Variants in WASF1 observed in about 807,000 individuals in gnomAD.
WASF1 encodes WASP family member 1.
Under a neutral mutation model 50.5 loss-of-function variants are expected in WASF1, and 7 were observed. The observed-to-expected ratio is 0.14, with a 90% confidence interval of 0.08 to 0.26. WASF1 has a LOEUF of 0.26. Ranked by LOEUF, WASF1 falls within the 10% of genes least tolerant of loss-of-function variation. The pLI is 1.00. For missense variants in WASF1, 470 were observed against 694.7 expected (o/e 0.68, Z 3.64); for synonymous variants, 205 against 244.0 (o/e 0.84, Z 1.49).
In WASF1 at chr6:110,104,380, G is replaced by T. The variant is rs1162767549; in HGVS notation, c.714-823C>A. Among the ~76,000 whole-genome samples the T allele has an allele frequency of 2.6e-5, 4 of 152,194 alleles. No individual in the cohort carries two copies. In the East Asian group the frequency reaches 7.7e-4, roughly 29 times the overall value. On this transcript the variant is annotated intron_variant, in intron 8 of 10. Transcript: ENST00000392589. Reference sequence around the variant, plus strand: ...ATTCTTTCAGTAATACAGATAAATAGTATCTCTCAGATGTATATTTCTCCT... The same window carrying T: ...ATTCTTTCAGTAATACAGATAAATATTATCTCTCAGATGTATATTTCTCCT...
intron 2 of WASF1, among the ~76,000 whole-genome samples, chr6:110,163,275 G>A (rs555237934): frequency 2.3e-4 from 35 of 151,658 alleles, no homozygotes; most frequent in African/African-American, 8.4e-4. Context: ...TTTCTTATTT[G>A]GGGCTGCTAT....
chr6:110,136,327 T>C (rs746483665), intron 3 of WASF1, among the ~76,000 whole-genome samples: 5 of 152,250 alleles, frequency 3.3e-5, no homozygotes, highest in African/African-American at 4.8e-5. Context: ...TTGTCCAAAA[T>C]AGTCAATTTT....
At chr6:110,135,180 T>G (rs141070616) in intron 3 of WASF1, among the ~76,000 whole-genome samples, 1 of 152,242 alleles carries the variant, frequency 6.6e-6, no homozygotes, top group African/African-American at 2.4e-5. Context: ...TTGGTCACTA[T>G]TGGTGTATAG....
intron 2 of WASF1, among the ~76,000 whole-genome samples, chr6:110,163,205 C>G (rs1776331877): frequency 6.6e-6 from 1 of 151,576 alleles, no homozygotes; most frequent in Non-Finnish European, 1.5e-5. Context: ...AACTACAAAA[C>G]TCTGACGAAA....
chr6:110,162,436 A>T lies in WASF1; in HGVS notation c.-126-1704T>A, dbSNP rs115791202. Among the ~76,000 whole-genome samples, 635 of 150,290 alleles carry T rather than the reference A, an allele frequency of 4.2e-3. 3 individuals are homozygous for T. Among genetic ancestry groups the T allele is most frequent in the African/African-American group, 0.015 (607 of 40,936 alleles). ...TACCCTAATGCAAAACTAGATAAAG[A>T]CAAGGCAAAAAAAAAAAAAAATCCA... On this transcript the variant is annotated intron_variant, in intron 2 of 10. Coordinates refer to ENST00000392589, the MANE Select transcript of WASF1 (RefSeq NM_003931.3).
intron 3 of WASF1, among the ~76,000 whole-genome samples, chr6:110,141,079 T>C (rs1324905369): frequency 1.3e-5 from 2 of 152,198 alleles, no homozygotes; most frequent in African/African-American, 4.8e-5. Context: ...TGGGCCATGG[T>C]TGACCACTGG....
At chr6:110,173,154 T>C (rs1483918267) in intron 2 of WASF1, among the ~76,000 whole-genome samples, 1 of 152,128 alleles carries the variant, frequency 6.6e-6, no homozygotes, top group African/African-American at 2.4e-5. Flanking sequence ...TTGACTTTTT[T>C]GGTAAAGGAA....
intron 3 of WASF1, among the ~76,000 whole-genome samples, chr6:110,141,705 T>G (rs989054511): frequency 6.6e-6 from 1 of 151,704 alleles, no homozygotes; most frequent in Admixed American, 6.6e-5. Context: ...AACAAAATCA[T>G]GAGCTTTAAG....
chr6:110,147,024 A>G lies in WASF1; in HGVS notation c.-29+13611T>C, dbSNP rs1274884412. On this transcript the variant is annotated intron_variant, in intron 3 of 10. Coordinates refer to ENST00000392589, the MANE Select transcript of WASF1 (RefSeq NM_003931.3). ...AAAAAACTGCCCTAAGAACAGTGCT[A>G]TCTTTACCAAAAATAAATATATAAA... Among the ~76,000 whole-genome samples the G allele has an allele frequency of 3.9e-5, 6 of 152,224 alleles. No individual in the cohort carries two copies. In the South Asian group the frequency reaches 1.2e-3, roughly 32 times the overall value.
chr6:110,149,797 C>G (rs1775745456), intron 3 of WASF1, among the ~76,000 whole-genome samples: 1 of 152,110 alleles, frequency 6.6e-6, no homozygotes, highest in Non-Finnish European at 1.5e-5. Flanking sequence ...GATTATGGTA[C>G]ACCCATCACC....
rs370155308 is a variant in WASF1 at position 110,116,098 on chromosome 6, A to G, written c.134-2638T>C. On this transcript the variant is annotated intron_variant, in intron 4 of 10. Coordinates refer to ENST00000392589, the MANE Select transcript of WASF1 (RefSeq NM_003931.3). Reference sequence around the variant, plus strand: ...CTGAATAGGAACAGCTCCGGTCTGCAGCTCCCAGCGAAACTGATGCAGAAG... The same window carrying G: ...CTGAATAGGAACAGCTCCGGTCTGCGGCTCCCAGCGAAACTGATGCAGAAG... Among the ~76,000 whole-genome samples the G allele has an allele frequency of 1.3e-4, 20 of 152,306 alleles. No homozygotes were observed. The East Asian group carries it at 3.5e-3, about 26-fold the overall frequency.
chr6:110,131,975 T>G (rs1423636435), intron 3 of WASF1, among the ~76,000 whole-genome samples: 1 of 152,232 alleles, frequency 6.6e-6, no homozygotes, highest in Non-Finnish European at 1.5e-5. Flanking sequence ...GAACTGTTAT[T>G]AAACCTATCA....
Position 110,107,073 on chromosome 6 carries a change from A to G in WASF1, c.540+4T>C. Reference sequence around the variant, plus strand: ...AACCTCAATTTTTTAATCTCTTGTAATACCTTCTGCTTCCTCTTTTCCTTC... The same window carrying G: ...AACCTCAATTTTTTAATCTCTTGTAGTACCTTCTGCTTCCTCTTTTCCTTC... On this transcript the variant is annotated splice_donor_region_variant and intron_variant, in intron 7 of 10. Coordinates refer to ENST00000392589, the MANE Select transcript of WASF1 (RefSeq NM_003931.3). 2 of 1,585,488 alleles carry G rather than the reference A, an allele frequency of 1.3e-6. No individual in the cohort carries two copies. Among genetic ancestry groups the G allele is most frequent in the South Asian group, 2.3e-5 (2 of 87,524 alleles).
At chr6:110,172,079 TTGG>T (rs1417056395) in intron 2 of WASF1, among the ~76,000 whole-genome samples, 2 of 152,194 alleles carry the variant, frequency 1.3e-5, no homozygotes, top group African/African-American at 2.4e-5. Flanking sequence ...TTTTACACTG[TTGG>T]TGGGAGTGTA....
intron 3 of WASF1, among the ~76,000 whole-genome samples, chr6:110,132,212 T>G (rs939934749): frequency 6.6e-6 from 1 of 152,004 alleles, no homozygotes; most frequent in Non-Finnish European, 1.5e-5. Context: ...TGACCCTATA[T>G]CCCAAGATCT....
intron 3 of WASF1, among the ~76,000 whole-genome samples, chr6:110,130,968 TG>T (rs1177342604): frequency 6.6e-6 from 1 of 152,226 alleles, no homozygotes; most frequent in Non-Finnish European, 1.5e-5. Flanking sequence ...TCATGTTTCT[TG>T]ATCTTTTGGG....
chr6:110,129,295 A>C (rs1239418027), intron 3 of WASF1, among the ~76,000 whole-genome samples: 1 of 152,220 alleles, frequency 6.6e-6, no homozygotes, highest in African/African-American at 2.4e-5. Context: ...ACAGAAGTGC[A>C]GCAAAAAACA....
rs189118380 is a variant in WASF1, at chr6:110,150,807, G to A, written c.-29+9828C>T. Reference sequence around the variant, plus strand: ...TCACAGCACTTTGGGAGGCTGAGGCGGGCAGATCACCTTACATCAGGAGTT... The same window carrying A: ...TCACAGCACTTTGGGAGGCTGAGGCAGGCAGATCACCTTACATCAGGAGTT... On this transcript the variant is annotated intron_variant, in intron 3 of 10. Transcript: ENST00000392589. Among the ~76,000 whole-genome samples the A allele has an allele frequency of 8.1e-3, 1,235 of 152,056 alleles. 59 individuals carry two copies. The highest frequency in any genetic ancestry group is 0.075 in the Admixed American group (1,140 of 15,268).
intron 5 of WASF1, among the ~76,000 whole-genome samples, chr6:110,111,888 C>G (rs532997613): frequency 6.6e-6 from 1 of 152,206 alleles, no homozygotes; most frequent in East Asian, 1.9e-4. Context: ...CTAAAAAACA[C>G]TGAATTGTAC....
Sources: allele counts gnomAD v4.1 joint callset (sites outside exome capture counted in the v4.1 genomes callset), GRCh38; gene constraint gnomAD v4.1.1; transcripts MANE v1.5; gene names NCBI Gene and HGNC (gene_info 2026-07-23, HGNC 2026-07-21).